Variants in CCM2 observed in about 807,000 individuals in gnomAD.
CCM2 encodes the protein CCM2 scaffold protein.
CCM2 carries 25 observed loss-of-function variants against 44.9 expected under a neutral mutation model. That is an observed-to-expected ratio of 0.56 (90% confidence interval 0.41 to 0.78). The LOEUF (loss-of-function observed/expected upper bound fraction) is 0.78, where lower values mean the gene tolerates loss of function less well. Ranked by LOEUF, CCM2 falls within the 30% of genes least tolerant of loss-of-function variation. The pLI is 0.00. For missense variants in CCM2, 481 were observed against 580.6 expected (o/e 0.83, Z 1.76); for synonymous variants, 219 against 241.1 (o/e 0.91, Z 0.85).
At chr7:45,035,939 A>G (rs1797197829) in intron 1 of CCM2, among the ~76,000 whole-genome samples, 1 of 152,186 alleles carries the variant, frequency 6.6e-6, no homozygotes, top group African/African-American at 2.4e-5. Context: ...TTCACAACAT[A>G]TCAGACGTGC....
chr7:45,055,177 G>A (rs1338248946), intron 2 of CCM2, among the ~76,000 whole-genome samples: 1 of 152,174 alleles, frequency 6.6e-6, no homozygotes, highest in Non-Finnish European at 1.5e-5. Flanking sequence ...CCACAGGGAG[G>A]CCAGGGAGAA....
intron 1 of CCM2, among the ~76,000 whole-genome samples, chr7:45,001,262 G>C (rs1429253968): frequency 6.6e-6 from 1 of 152,224 alleles, no homozygotes; most frequent in Non-Finnish European, 1.5e-5. Flanking sequence ...ATGTAGCCAG[G>C]TGGCCTTCAG....
intron 8 of CCM2, 181 bp from the exon 9 acceptor site, chr7:45,074,089 C>A: frequency 7.2e-7 from 1 of 1,389,308 alleles, no homozygotes; most frequent in Non-Finnish European, 9.6e-7. Flanking sequence ...TCTGGGTGGC[C>A]CCGTGCCAGG....
At chr7:45,071,824 A>G (rs536387729) in intron 6 of CCM2, 77 of 456,690 alleles carry the variant, frequency 1.7e-4, no homozygotes, top group Middle Eastern at 9.8e-4. Context: ...GACTCTTGCA[A>G]TCACATTGAG....
chr7:45,070,947 G>C (rs1799039563), intron 6 of CCM2: 1 of 152,930 alleles, frequency 6.5e-6, no homozygotes, highest in South Asian at 2.0e-4. Context: ...GTGCTGGTGT[G>C]AGGGCTGCTC....
At position 45,000,381 on chromosome 7, in the gene CCM2, C is replaced by A; in HGVS notation, c.30+18C>A. On this transcript the variant is annotated intron_variant, in intron 1 of 9. Coordinates refer to ENST00000258781, the MANE Select transcript of CCM2 (RefSeq NM_031443.4). ...GCAAGAAGGTGAGCGTGCGCGGGGG[C>A]GTCCTACTGCTGTGGTCGGCGGGCG... 1 of 1,283,706 alleles carries A rather than the reference C, an allele frequency of 7.8e-7. No homozygotes were observed. Among genetic ancestry groups the A allele is most frequent in the South Asian group, 2.9e-5 (1 of 34,228 alleles). 79.5% of individuals were successfully genotyped at this position (1,283,706 alleles called of 1,614,324 possible).
At chr7:45,046,930 C>A (rs1175829755) in intron 2 of CCM2, among the ~76,000 whole-genome samples, 4 of 152,142 alleles carry the variant, frequency 2.6e-5, no homozygotes, top group Admixed American at 2.0e-4. Context: ...GGAGATACTT[C>A]AATGAAGAGG....
intron 1 of CCM2, among the ~76,000 whole-genome samples, chr7:45,012,671 C>G (rs1455300969): frequency 6.6e-6 from 1 of 152,022 alleles, no homozygotes; most frequent in Non-Finnish European, 1.5e-5. Flanking sequence ...TCTTCTGCCT[C>G]AGCCTCCCAG....
At chr7:45,068,350 CA>C in intron 4 of CCM2, 92 bp from the exon 5 acceptor site, 1 of 1,548,108 alleles carries the variant, frequency 6.5e-7, no homozygotes, top group Non-Finnish European at 8.9e-7. Context: ...AAGGTCCTCT[CA>C]GCCTGTTTCC....
At chr7:45,002,118 C>G (rs988542597) in intron 1 of CCM2, among the ~76,000 whole-genome samples, 3 of 152,204 alleles carry the variant, frequency 2.0e-5, no homozygotes, top group African/African-American at 7.2e-5. Context: ...GTGAGATCAC[C>G]TCCAGTTTAA....
intron 2 of CCM2, among the ~76,000 whole-genome samples, chr7:45,061,827 G>C (rs1194091805): frequency 6.6e-6 from 1 of 152,084 alleles, no homozygotes; most frequent in Admixed American, 6.6e-5. Context: ...CCTCCTACCA[G>C]AGTATGAGGA....
chr7:45,056,935 T>C (rs1798291575), intron 2 of CCM2, among the ~76,000 whole-genome samples: 1 of 152,234 alleles, frequency 6.6e-6, no homozygotes. Flanking sequence ...CTAAGAATTT[T>C]ATAGTTTTAG....
chr7:45,071,339 TTGAA>T (rs1182663882), intron 6 of CCM2: 1 of 157,130 alleles, frequency 6.4e-6, no homozygotes, highest in Non-Finnish European at 1.4e-5. Context: ...ACATGTACAG[TTGAA>T]TGAATTTTCA....
chr7:45,003,839 G>A (rs984590827), intron 1 of CCM2, among the ~76,000 whole-genome samples: 5 of 152,108 alleles, frequency 3.3e-5, no homozygotes, highest in African/African-American at 1.2e-4. Context: ...ACTGATCAAA[G>A]TTAAATATTT....
chr7:45,003,041 G>A (rs1038866013), intron 1 of CCM2, among the ~76,000 whole-genome samples: 4 of 152,144 alleles, frequency 2.6e-5, no homozygotes, highest in Non-Finnish European at 4.4e-5. Context: ...TCCTACCTAC[G>A]GTATGGACTC....
intron 1 of CCM2, among the ~76,000 whole-genome samples, chr7:45,032,517 T>C (rs1417497875): frequency 6.6e-6 from 1 of 152,206 alleles, no homozygotes; most frequent in Non-Finnish European, 1.5e-5. Flanking sequence ...TGGAGCATCC[T>C]GTGTGTCTTC....
At chr7:45,008,075 C>T (rs551981516) in intron 1 of CCM2, among the ~76,000 whole-genome samples, 72 of 136,958 alleles carry the variant, frequency 5.3e-4, no homozygotes, top group African/African-American at 2.0e-3. Flanking sequence ...TGGAGTCTTG[C>T]TCTGCTGCCC....
At chr7:45,004,752 A>G (rs1213856270) in intron 1 of CCM2, among the ~76,000 whole-genome samples, 1 of 152,104 alleles carries the variant, frequency 6.6e-6, no homozygotes, top group East Asian at 1.9e-4. Flanking sequence ...TCACACTGGT[A>G]ATCCCAGCAC....
chr7:45,054,259 GT>G (rs1359703888), intron 2 of CCM2, among the ~76,000 whole-genome samples: 2 of 152,150 alleles, frequency 1.3e-5, no homozygotes, highest in African/African-American at 2.4e-5. Context: ...AGCAAGGAGT[GT>G]GTGGGGGGCT....
Sources: gnomAD v4.1 joint callset for allele counts (sites outside exome capture counted in the v4.1 genomes callset) on GRCh38, gnomAD v4.1.1 for gene constraint, MANE v1.5 for transcripts, NCBI Gene and HGNC (gene_info 2026-07-23, HGNC 2026-07-21) for gene names.